Variants in POLN observed in about 807,000 individuals in gnomAD.
POLN encodes the protein DNA polymerase nu, also known as DNA polymerase N.
In POLN, 108 loss-of-function variants were observed where a neutral mutation model predicts 113.5. That is an observed-to-expected ratio of 0.95 (90% CI 0.81 to 1.12). The LOEUF (loss-of-function observed/expected upper bound fraction) is 1.12. POLN is among the 50% of genes most tolerant of loss of function. The pLI is 0.00. For synonymous variants in POLN, 386 were observed against 391.5 expected, an observed-to-expected ratio of 0.99 and a Z score of 0.17; for missense variants, 1,097 against 1,077.1, an observed-to-expected ratio of 1.02 and a Z score of -0.26.
intron 19 of POLN, among the ~76,000 whole-genome samples, chr4:2,106,884 T>C (rs1166252427): frequency 6.6e-6 from 1 of 152,164 alleles, no homozygotes; most frequent in Non-Finnish European, 1.5e-5. Context: ...GCATTATTTT[T>C]GCATCATAAA....
In POLN at chr4:2,093,866, C is replaced by T. The variant is rs1051774247; in HGVS notation, c.2065+1985G>A. ...AATGTTTTCAAAAGTGGAGCTGAGACCACCAAGTCCACTAATTTGTTCCTG... is the reference window on the plus strand; with the variant it reads ...AATGTTTTCAAAAGTGGAGCTGAGATCACCAAGTCCACTAATTTGTTCCTG... On this transcript the variant is annotated intron_variant, in intron 20 of 25. Coordinates refer to ENST00000511885, the MANE Select transcript of POLN (RefSeq NM_181808.4). The surrounding 1 kb of genome is among the most constrained non-coding windows in gnomAD (Gnocchi z 4.1). Among the ~76,000 whole-genome samples, 5 of 152,322 alleles carry T rather than the reference C, an allele frequency of 3.3e-5. No individual in the cohort carries two copies. The highest frequency in any genetic ancestry group is 2.6e-4 in the Admixed American group (4 of 15,302).
At chr4:2,124,416 C>T (rs1314602810) in intron 19 of POLN, among the ~76,000 whole-genome samples, 2 of 152,018 alleles carry the variant, frequency 1.3e-5, no homozygotes, top group Non-Finnish European at 2.9e-5. Context: ...ACAGGATAGG[C>T]GTGTGCCACC....
intron 16 of POLN, among the ~76,000 whole-genome samples, chr4:2,133,444 A>C (rs1397643852): frequency 6.6e-6 from 1 of 152,232 alleles, no homozygotes; most frequent in Non-Finnish European, 1.5e-5. Flanking sequence ...GAATGGATAA[A>C]GAAAATGTGG....
chr4:2,240,023 A>ATTTC, intron 2 of POLN: 1 of 1,598,150 alleles, frequency 6.3e-7, no homozygotes, highest in Non-Finnish European at 8.6e-7. Flanking sequence ...ATCCAATCTC[A>ATTTC]TTTCTTATGC....
chr4:2,207,332 G>GAGGAA (rs200338592), intron 5 of POLN, among the ~76,000 whole-genome samples: 38 of 151,132 alleles, frequency 2.5e-4, no homozygotes, highest in African/African-American at 6.6e-4. Context: ...CAGGAAAGTA[G>GAGGAA]AGGAAAGGAA....
intron 13 of POLN, among the ~76,000 whole-genome samples, chr4:2,165,944 T>G (rs1350232394): frequency 1.3e-5 from 2 of 152,098 alleles, no homozygotes; most frequent in Non-Finnish European, 2.9e-5. Flanking sequence ...ACCTGGCTAA[T>G]TTTTAAATTT....
At position 2,229,115 on chromosome 4, in the gene POLN, C is replaced by T. The variant is rs770903378; in HGVS notation, c.117G>A (p.Trp39Ter). Reference sequence around the variant, plus strand: ...ATTACTTACTCTCTGTACTCTTTCCCCAAGTCTTAGAATCCACTAAATCAC... The same window carrying T: ...ATTACTTACTCTCTGTACTCTTTCCTCAAGTCTTAGAATCCACTAAATCAC... ...HSGDLVDSKTWGKSTETMEVI... is the reference protein window; with the variant it reads ...HSGDLVDSKT The change falls in exon 3 of 26, where the codon TGG becomes TGA. Residue 39 changes from tryptophan to a stop codon, truncating the protein, a stop_gained. Coordinates refer to ENST00000511885, the MANE Select transcript of POLN (RefSeq NM_181808.4). LOFTEE classifies it high-confidence loss of function. 6.2e-7 allele frequency: 1 copy of T among 1,604,616 alleles called. No individual in the cohort carries two copies. Among genetic ancestry groups the T allele is most frequent in the East Asian group, 2.2e-5 (1 of 44,776 alleles).
At position 2,099,461 on chromosome 4, in the gene POLN, G is replaced by A. The variant is rs566827175; in HGVS notation, c.1983-3528C>T. ...CCAGTCTAGTCATGAGAAAAACATC[G>A]GACAAACACCAATTGAGGGACATTC... On this transcript the variant is annotated intron_variant, in intron 19 of 25. Transcript: ENST00000511885. 5.9e-5 allele frequency among the ~76,000 whole-genome samples: 9 copies of A among 152,282 alleles called. No homozygotes were observed. In the South Asian group the frequency reaches 1.0e-3, roughly 18 times the overall value.
intron 19 of POLN, among the ~76,000 whole-genome samples, chr4:2,107,423 T>C (rs976042570): frequency 6.6e-6 from 1 of 152,218 alleles, no homozygotes; most frequent in African/African-American, 2.4e-5. Flanking sequence ...TCATGTGTGA[T>C]CTTGCTGTTG....
At chr4:2,139,662 T>C (rs1731947280) in intron 16 of POLN, 1 of 152,226 alleles carries the variant, frequency 6.6e-6, no homozygotes, top group African/African-American at 2.4e-5. Context: ...TTCATTTGGG[T>C]TTCAAATAGT....
chr4:2,137,449 C>T (rs1399238998), intron 16 of POLN, among the ~76,000 whole-genome samples: 1 of 152,238 alleles, frequency 6.6e-6, no homozygotes, highest in Non-Finnish European at 1.5e-5. Flanking sequence ...GCCACAGCAG[C>T]ACACCTGCTA....
chr4:2,179,302 A>G lies in POLN; in HGVS notation c.1179+6T>C, dbSNP rs1355708759. Reference sequence around the variant, plus strand: ...GGTTGATAAAACTTTATCTTAAACAACTCACCACAATATTTCTTGAGGAAT... The same window carrying G: ...GGTTGATAAAACTTTATCTTAAACAGCTCACCACAATATTTCTTGAGGAAT... On this transcript the variant is annotated splice_donor_region_variant and intron_variant, in intron 8 of 25. Transcript: ENST00000511885. The G allele has an allele frequency of 1.9e-6, 3 of 1,608,912 alleles. No homozygotes were observed. The highest frequency in any genetic ancestry group is 2.7e-5 in the African/African-American group (2 of 74,614).
At chr4:2,191,390 T>C (rs935506363) in intron 7 of POLN, among the ~76,000 whole-genome samples, 5 of 152,148 alleles carry the variant, frequency 3.3e-5, no homozygotes, top group African/African-American at 9.7e-5. Flanking sequence ...AAATACATAG[T>C]TAGGCAGAAG....
intron 23 of POLN, among the ~76,000 whole-genome samples, chr4:2,075,763 A>G (rs1445278018): frequency 6.6e-6 from 1 of 152,218 alleles, no homozygotes; most frequent in Non-Finnish European, 1.5e-5. Context: ...TGTCACCAGG[A>G]CAGCTCTGGG....
chr4:2,228,796 G>A (rs1474133007), intron 3 of POLN: 1 of 271,756 alleles, frequency 3.7e-6, no homozygotes, highest in Non-Finnish European at 7.0e-6. Flanking sequence ...GTACAGGTTT[G>A]ATGACCTGAG....
chr4:2,096,556 C>T (rs796136315), intron 19 of POLN, among the ~76,000 whole-genome samples: 25 of 152,188 alleles, frequency 1.6e-4, no homozygotes, highest in African/African-American at 5.3e-4. Flanking sequence ...TCCGAGAGCA[C>T]CTTCAAAGGA....
chr4:2,146,572 T>A (rs555325666), intron 16 of POLN, among the ~76,000 whole-genome samples: 2 of 152,064 alleles, frequency 1.3e-5, no homozygotes, highest in African/African-American at 4.8e-5. Context: ...ACACACATGA[T>A]CACTGTATTG....
chr4:2,074,481 C>T (rs899530884), intron 24 of POLN, among the ~76,000 whole-genome samples: 1 of 152,202 alleles, frequency 6.6e-6, no homozygotes, highest in Non-Finnish European at 1.5e-5. Flanking sequence ...TTTTAACCTA[C>T]AGCTGAGCAC....
intron 10 of POLN, 129 bp from the exon 11 acceptor site, chr4:2,174,148 G>A (rs543762185): frequency 2.4e-4 from 200 of 820,382 alleles, no homozygotes; most frequent in Non-Finnish European, 3.8e-4. Flanking sequence ...CCTGCTGCAT[G>A]CCAACCTCTG....
Sources: allele counts gnomAD v4.1 joint callset (sites outside exome capture counted in the v4.1 genomes callset), GRCh38; gene constraint gnomAD v4.1.1; non-coding constraint Gnocchi (gnomAD v3.1); transcripts MANE v1.5; gene names NCBI Gene and HGNC (gene_info 2026-07-23, HGNC 2026-07-21).